Variants in NLRP8 observed in about 807,000 individuals in gnomAD.
NLRP8 encodes the protein NACHT, LRR and PYD domains-containing protein 8.
NLRP8 carries 86 observed loss-of-function variants against 88.7 expected under a neutral mutation model. That is an observed-to-expected ratio of 0.97 (90% confidence interval 0.81 to 1.16). NLRP8 has a LOEUF of 1.16. Ranked by LOEUF, NLRP8 falls within the 50% of genes most tolerant of loss-of-function variation. The pLI is 0.00. For synonymous variants in NLRP8, 504 were observed against 494.6 expected (o/e 1.02, Z -0.25); for missense variants, 1,342 against 1,286.5 (o/e 1.04, Z -0.66).
chr19:55,951,169 C>T (rs534872292), intron 1 of NLRP8, among the ~76,000 whole-genome samples: 1 of 152,306 alleles, frequency 6.6e-6, no homozygotes, highest in Non-Finnish European at 1.5e-5. Flanking sequence ...GAAGGCCATG[C>T]TGTGCCTTAG....
chr19:55,954,819 A>G lies in NLRP8; in HGVS notation c.761A>G (p.Gln254Arg). Residue 254 changes from glutamine to arginine, a missense_variant, in exon 3 of 10, where the codon CAG (glutamine) becomes CGG (arginine). Coordinates refer to ENST00000291971, the MANE Select transcript of NLRP8 (RefSeq NM_176811.2). ...CAAGAGGTGAACCAGACGACAGACCAGAGCTTCTCCGAGCTGATTGAGCAA... is the reference window on the plus strand; with the variant it reads ...CAAGAGGTGAACCAGACGACAGACCGGAGCTTCTCCGAGCTGATTGAGCAA... The G allele has an allele frequency of 6.2e-7, 1 of 1,614,218 alleles. No homozygotes were observed. The highest frequency in any genetic ancestry group is 8.5e-7 in the Non-Finnish European group (1 of 1,180,038).
In NLRP8 at chr19:55,955,602, C is replaced by T. The variant is rs755334461; in HGVS notation, c.1544C>T (p.Ala515Val). ...CTCGTGACTTTTCAGGAATTTTTTG[C>T]GGCCTTGTTTTATGTTCTCTGTTTC... is the stretch of plus-strand genomic sequence containing the variant. Residue 515 changes from alanine to valine, a missense_variant, in exon 3 of 10, where the codon GCG becomes GTG. Physicochemically the swap from Ala to Val is moderately conservative, Grantham distance 64 (BLOSUM62 0). Coordinates refer to ENST00000291971, the MANE Select transcript of NLRP8 (RefSeq NM_176811.2). The T allele has an allele frequency of 1.1e-5, 17 of 1,614,104 alleles. No individual in the cohort carries two copies. Among genetic ancestry groups the T allele is most frequent in the East Asian group, 2.2e-5 (1 of 44,888 alleles).
At chr19:55,971,966 A>G (rs1361801805) in intron 6 of NLRP8, among the ~76,000 whole-genome samples, 1 of 151,968 alleles carries the variant, frequency 6.6e-6, no homozygotes, top group East Asian at 1.9e-4. Context: ...TCTGATTTGC[A>G]TGTCTTCCCA....
At chr19:55,964,402 G>T (rs772677136) in intron 4 of NLRP8, among the ~76,000 whole-genome samples, 1 of 152,294 alleles carries the variant, frequency 6.6e-6, no homozygotes, top group Non-Finnish European at 1.5e-5. Context: ...TGAGAACTCA[G>T]TTCTGAATTC....
At position 55,988,586 on chromosome 19, in the gene NLRP8, C is replaced by T. The variant is rs1037234377; in HGVS notation, c.*673C>T. The T allele has an allele frequency of 6.7e-6, 1 of 150,072 alleles. No homozygotes were observed. The highest frequency in any genetic ancestry group is 1.5e-5 in the Non-Finnish European group (1 of 67,510). The allele number at this position is 150,072 out of a possible 1,614,324, so 9.3% of individuals were successfully genotyped here. A position where few individuals can be genotyped will look rare whatever the true frequency, so the allele number is the denominator to read the frequency against. On this transcript the variant is annotated 3_prime_UTR_variant, in exon 10 of 10. Transcript: ENST00000291971. Reference sequence around the variant, plus strand: ...TATTCTCAGCTCTGAATGTATGAACCTGCTCAATCACCTCATCTTAAAAAT... The same window carrying T: ...TATTCTCAGCTCTGAATGTATGAACTTGCTCAATCACCTCATCTTAAAAAT...
At chr19:55,954,010 C>T (rs1008121848) in intron 2 of NLRP8, among the ~76,000 whole-genome samples, 3 of 151,706 alleles carry the variant, frequency 2.0e-5, no homozygotes, top group African/African-American at 4.8e-5. Flanking sequence ...ACCATGTTAG[C>T]CAGGCTGGTC....
At chr19:55,970,461 C>T in intron 5 of NLRP8, 83 bp from the exon 6 acceptor site, 1 of 1,467,204 alleles carries the variant, frequency 6.8e-7, no homozygotes, top group Non-Finnish European at 9.3e-7. Flanking sequence ...AAGACTGAGA[C>T]ATGAGACAGT....
At chr19:55,982,473 G>T (rs759289663) in intron 9 of NLRP8, among the ~76,000 whole-genome samples, 26 of 152,216 alleles carry the variant, frequency 1.7e-4, no homozygotes, top group Non-Finnish European at 3.5e-4. Context: ...AGAAACTTAA[G>T]TGTAGAAACA....
intron 9 of NLRP8, among the ~76,000 whole-genome samples, chr19:55,985,350 G>T (rs1242474600): frequency 1.3e-5 from 2 of 152,070 alleles, no homozygotes; most frequent in African/African-American, 4.8e-5. Context: ...AAGAGTTCAG[G>T]ATAACTAGCA....
intron 9 of NLRP8, among the ~76,000 whole-genome samples, chr19:55,983,373 A>G (rs997514351): frequency 6.7e-6 from 1 of 148,636 alleles, no homozygotes; most frequent in African/African-American, 2.5e-5. Flanking sequence ...CTGAGGCAGG[A>G]GAATCACTTG....
intron 8 of NLRP8, 113 bp downstream of exon 8, chr19:55,976,416 C>T: frequency 1.1e-6 from 1 of 926,198 alleles, no homozygotes; most frequent in Non-Finnish European, 1.5e-6. Context: ...GGATTGTTCC[C>T]TCCATTGAAT....
At chr19:55,964,235 G>A (rs1052846839) in intron 4 of NLRP8, among the ~76,000 whole-genome samples, 75 of 152,156 alleles carry the variant, frequency 4.9e-4, no homozygotes, top group African/African-American at 1.7e-3. Context: ...TACTGAGTGC[G>A]TACTATGTGA....
chr19:55,975,074 CAT>C (rs1980249625), intron 7 of NLRP8, among the ~76,000 whole-genome samples: 1 of 152,162 alleles, frequency 6.6e-6, no homozygotes, highest in African/African-American at 2.4e-5. Context: ...AATCACTACA[CAT>C]GAGGGCTTTT....
chr19:55,961,064 G>T (rs913207621), intron 3 of NLRP8, among the ~76,000 whole-genome samples: 1 of 151,840 alleles, frequency 6.6e-6, no homozygotes, highest in African/African-American at 2.4e-5. Flanking sequence ...CACCACACCT[G>T]TATAATTTTT....
chr19:55,957,445 G>T (rs1348486721), intron 3 of NLRP8, among the ~76,000 whole-genome samples: 1 of 151,736 alleles, frequency 6.6e-6, no homozygotes, highest in Non-Finnish European at 1.5e-5. Context: ...CAGCACTTTG[G>T]GAGGCCGAGG....
chr19:55,983,754 A>G (rs915996889), intron 9 of NLRP8, among the ~76,000 whole-genome samples: 1 of 150,190 alleles, frequency 6.7e-6, no homozygotes, highest in African/African-American at 2.4e-5. Context: ...CAGTGACATG[A>G]CAGAACAAGA....
chr19:55,973,266 G>T (rs747713823), intron 6 of NLRP8, among the ~76,000 whole-genome samples: 1 of 151,968 alleles, frequency 6.6e-6, no homozygotes, highest in African/African-American at 2.4e-5. Flanking sequence ...TTGTCTATTC[G>T]TGTCCTTAGC....
chr19:55,957,671 AATTATAT>A lies in NLRP8; in HGVS notation c.2042+1574_2042+1580del, dbSNP rs1368329931. Among the ~76,000 whole-genome samples the A allele has an allele frequency of 4.1e-3, 228 of 55,330 alleles. 11 individuals are homozygous for A. Among genetic ancestry groups the A allele is most frequent in the African/African-American group, 0.019 (215 of 11,190 alleles). 36.3% of individuals were successfully genotyped at this position (55,330 alleles called of 152,430 possible). On this transcript the variant is annotated intron_variant, in intron 3 of 9. Coordinates refer to ENST00000291971, the MANE Select transcript of NLRP8 (RefSeq NM_176811.2). ...ACTATCTTAAAAAAGAAAAAATAAT[AATTATAT>A]ATATATATATATATATATATATATA...
intron 9 of NLRP8, among the ~76,000 whole-genome samples, chr19:55,983,818 C>CAA (rs56312019): frequency 1.2e-5 from 1 of 84,656 alleles, no homozygotes; most frequent in Non-Finnish European, 2.2e-5. Flanking sequence ...CTAGTAGATG[C>CAA]AAAAAAAAAA....
Sources: allele counts gnomAD v4.1 joint callset (sites outside exome capture counted in the v4.1 genomes callset), GRCh38; gene constraint gnomAD v4.1.1; transcripts MANE v1.5; gene names NCBI Gene and HGNC (gene_info 2026-07-23, HGNC 2026-07-21).